Variants in FGF13 observed in about 807,000 individuals in gnomAD.
FGF13 encodes fibroblast growth factor 13.
Under a neutral mutation model 19.5 loss-of-function variants are expected in FGF13, and 2 were observed. That is an observed-to-expected ratio of 0.10 (90% CI 0.04 to 0.32). FGF13 has a LOEUF of 0.32. Among genes scored for constraint, FGF13 ranks in the 10% least tolerant of loss-of-function variants. The probability of loss-of-function intolerance (pLI) is 1.00; values close to 1 mark genes in which losing one functional copy is unlikely to be tolerated. For missense variants in FGF13, 113 were observed against 192.7 expected, an observed-to-expected ratio of 0.59 and a Z score of 2.45; for synonymous variants, 72 against 76.9, an observed-to-expected ratio of 0.94 and a Z score of 0.33.
At chrX:138,694,448 T>TTTA (rs1352932956) in intron 3 of FGF13, among the ~76,000 whole-genome samples, 2 of 105,215 alleles carry the variant, frequency 1.9e-5, no homozygotes, top group African/African-American at 6.9e-5. Context: ...TTTCTTTTCT[T>TTTA]TTCTTTTTTT....
intron 1 of FGF13, among the ~76,000 whole-genome samples, chrX:139,179,476 G>T (rs1429342442): frequency 9.2e-6 from 1 of 108,787 alleles, no homozygotes; most frequent in Non-Finnish European, 1.9e-5. Flanking sequence ...ACATGCAGAG[G>T]AATTGGATTC....
At chrX:138,969,091 A>G (rs1296790083) in intron 1 of FGF13, among the ~76,000 whole-genome samples, 1 of 111,590 alleles carries the variant, frequency 9.0e-6, no homozygotes, top group Non-Finnish European at 1.9e-5. Context: ...TGACCTTTGT[A>G]TGTCACGCAC....
intron 3 of FGF13, among the ~76,000 whole-genome samples, chrX:138,827,013 G>T (rs933525630): frequency 8.9e-6 from 1 of 112,289 alleles, no homozygotes; most frequent in Non-Finnish European, 1.9e-5. Context: ...GCACATAGCC[G>T]CCTCTATATA....
intron 1 of FGF13, among the ~76,000 whole-genome samples, chrX:139,086,092 T>C (rs1383739472): frequency 8.9e-6 from 1 of 112,316 alleles, no homozygotes; most frequent in Non-Finnish European, 1.9e-5. Context: ...TGAACTTAGT[T>C]GAAAAACTTT....
At chrX:138,754,164 C>T (rs915239772) in intron 3 of FGF13, among the ~76,000 whole-genome samples, 4 of 111,280 alleles carry the variant, frequency 3.6e-5, no homozygotes, top group Admixed American at 9.5e-5. Flanking sequence ...AAGGAGTGTG[C>T]GAAATATATG....
intron 1 of FGF13, among the ~76,000 whole-genome samples, chrX:139,071,502 T>C (rs768562139): frequency 2.7e-5 from 3 of 111,914 alleles, no homozygotes; most frequent in Non-Finnish European, 5.6e-5. Flanking sequence ...TCCAAGAGTT[T>C]TATTCCTTCT....
At chrX:138,717,779 A>AT (rs922429266) in intron 1 of FGF13, among the ~76,000 whole-genome samples, 26 of 106,842 alleles carry the variant, frequency 2.4e-4, no homozygotes, top group African/African-American at 4.4e-4. Context: ...ACATTTAACT[A>AT]TTTTTTTTTT....
At chrX:138,983,260 C>CTCT (rs958444300) in intron 1 of FGF13, among the ~76,000 whole-genome samples, 5 of 109,305 alleles carry the variant, frequency 4.6e-5, no homozygotes, top group African/African-American at 1.7e-4. Context: ...ACATTTAAGA[C>CTCT]TCTTTTTGTA....
At chrX:138,844,826 G>C (rs1184326923) in intron 3 of FGF13, among the ~76,000 whole-genome samples, 5 of 111,479 alleles carry the variant, frequency 4.5e-5, no homozygotes, top group Non-Finnish European at 9.4e-5. Context: ...TAACAATACT[G>C]AATGTGTGTT....
rs906726490 is a variant in FGF13, at chrX:138,631,701, G to A, written c.*1149C>T. ...CCTGTACATGCTATGTCCACTTTTGGAACACAGATTTTTAACAATTATGAA... is the reference window on the plus strand; with the variant it reads ...CCTGTACATGCTATGTCCACTTTTGAAACACAGATTTTTAACAATTATGAA... On this transcript the variant is annotated 3_prime_UTR_variant, in exon 5 of 5. Transcript: ENST00000315930. 2 of 112,232 alleles carry A rather than the reference G, an allele frequency of 1.8e-5. No individual in the cohort carries two copies. Among genetic ancestry groups the A allele is most frequent in the African/African-American group, 6.5e-5 (2 of 30,782 alleles). The allele number at this position is 112,232 out of a possible 1,213,427, so 9.2% of individuals were successfully genotyped here.
In FGF13 at chrX:139,051,917, T is replaced by C. The variant is rs186917789; in HGVS notation, c.-113+151499A>G. On this transcript the variant is annotated intron_variant, in intron 1 of 2. Transcript: ENST00000421460. ...CAATCCAACAATGGAATATCCCATA[T>C]CCAGGAGTTGGTATAAATTACAAGT... is the stretch of plus-strand genomic sequence containing the variant. 3.1e-3 allele frequency among the ~76,000 whole-genome samples: 350 copies of C among 112,769 alleles called. 1 individual carries two copies. Among genetic ancestry groups the C allele is most frequent in the Non-Finnish European group, 5.6e-3 (300 of 53,331 alleles).
chrX:138,634,799 G>A (rs2089163779), intron 4 of FGF13, among the ~76,000 whole-genome samples: 1 of 112,030 alleles, frequency 8.9e-6, no homozygotes, highest in Non-Finnish European at 1.9e-5. Context: ...CACTGCTGGC[G>A]AGAATGTAAA....
At position 138,772,018 on chromosome X, in the gene FGF13, G is replaced by GTGTATA. The variant is rs1271115343; in HGVS notation, c.218-63091_218-63090insTATACA. Among the ~76,000 whole-genome samples the GTGTATA allele has an allele frequency of 1.5e-3, 85 of 56,520 alleles. 1 individual carries two copies. The highest frequency in any genetic ancestry group is 3.7e-3 in the African/African-American group (66 of 17,790). 49.1% of individuals were successfully genotyped at this position (56,520 alleles called of 115,157 possible). ...AAAGCAAATATTAAGATACATATGT[G>GTGTATA]TATATATATATATATATATATATAT... On this transcript the variant is annotated intron_variant, in intron 3 of 6. Transcript: ENST00000436198.
At chrX:139,151,494 ATGAC>A (rs2083934142) in intron 1 of FGF13, among the ~76,000 whole-genome samples, 1 of 112,264 alleles carries the variant, frequency 8.9e-6, no homozygotes, top group Non-Finnish European at 1.9e-5. Context: ...CAAGATCTGA[ATGAC>A]TGTCTAGCAG....
intron 1 of FGF13, among the ~76,000 whole-genome samples, chrX:139,130,104 T>C (rs2083749906): frequency 3.6e-5 from 4 of 112,258 alleles, no homozygotes; most frequent in Non-Finnish European, 7.5e-5. Flanking sequence ...TTTTAAACTA[T>C]TTAGTATTTC....
chrX:138,962,907 A>T (rs1328008620), intron 1 of FGF13, among the ~76,000 whole-genome samples: 1 of 111,800 alleles, frequency 8.9e-6, no homozygotes, highest in African/African-American at 3.3e-5. Flanking sequence ...TGATGAGTTA[A>T]TGGGTGCAGC....
At chrX:138,877,555 C>T (rs2091397930) in intron 1 of FGF13, among the ~76,000 whole-genome samples, 1 of 111,832 alleles carries the variant, frequency 8.9e-6, no homozygotes, top group African/African-American at 3.2e-5. Context: ...CTTTTCATCA[C>T]CACAAACAAA....
chrX:138,857,790 A>C, intron 2 of FGF13: 2 of 634,173 alleles, frequency 3.2e-6, no homozygotes, highest in Non-Finnish European at 2.2e-6. Context: ...AGCCCTAAGA[A>C]AAGTTTCAAA....
intron 3 of FGF13, among the ~76,000 whole-genome samples, chrX:138,647,219 G>GAA (rs10543925): frequency 2.5e-4 from 15 of 59,093 alleles, no homozygotes; most frequent in Non-Finnish European, 3.3e-4. Context: ...CATCTCTGGG[G>GAA]AAAAAAAAAA....
Sources: gnomAD v4.1 joint callset for allele counts (sites outside exome capture counted in the v4.1 genomes callset) on GRCh38, gnomAD v4.1.1 for gene constraint, MANE v1.5 for transcripts, NCBI Gene and HGNC (gene_info 2026-07-23, HGNC 2026-07-21) for gene names.